IQCK: variants seen among roughly 807,000 people sequenced by gnomAD.
IQCK encodes IQ domain-containing protein K.
Under a neutral mutation model 28.1 loss-of-function variants are expected in IQCK, and 29 were observed. The ratio of observed to expected loss-of-function variants is 1.03; its 90% CI spans 0.77 to 1.41. The LOEUF (loss-of-function observed/expected upper bound fraction) is 1.41. Among genes scored for constraint, IQCK ranks in the 40% most tolerant of loss-of-function variants. The pLI is 0.00. For missense variants in IQCK, 359 were observed against 314.7 expected (o/e 1.14, Z -1.07); for synonymous variants, 113 against 115.1 (o/e 0.98, Z 0.12).
chr16:19,752,542 G>A (rs2055000411), intron 4 of IQCK, among the ~76,000 whole-genome samples: 1 of 152,068 alleles, frequency 6.6e-6, no homozygotes, highest in Non-Finnish European at 1.5e-5. Flanking sequence ...TAAGTAGAAA[G>A]GGATTGTTTT....
chr16:19,724,977 C>G (rs563813225), intron 1 of IQCK, among the ~76,000 whole-genome samples: 1 of 152,280 alleles, frequency 6.6e-6, no homozygotes, highest in South Asian at 2.1e-4. Context: ...ACTTGTGGCA[C>G]AGGGGCTCCA....
intron 4 of IQCK, among the ~76,000 whole-genome samples, chr16:19,749,203 C>T (rs537503740): frequency 1.3e-4 from 20 of 152,316 alleles, no homozygotes; most frequent in Admixed American, 7.2e-4. Context: ...ACAGAGCTTT[C>T]TTAAAATCAG....
rs113002259 is a variant in IQCK at position 19,728,775 on chromosome 16, C to T, written c.182-1655C>T. ...TAATTTGTTACACAATAATAGAAAA[C>T]GAATACAGTTGGTATTGAGAAATAA... On this transcript the variant is annotated intron_variant, in intron 1 of 7. Coordinates refer to ENST00000564186, the Ensembl canonical transcript of IQCK. 4.2e-4 allele frequency among the ~76,000 whole-genome samples: 64 copies of T among 152,220 alleles called. 1 individual carries two copies. The highest frequency in any genetic ancestry group is 7.9e-4 in the Admixed American group (12 of 15,274).
intron 1 of IQCK, among the ~76,000 whole-genome samples, chr16:19,725,296 A>G (rs1397996092): frequency 2.0e-5 from 3 of 152,158 alleles, no homozygotes; most frequent in South Asian, 2.1e-4. Context: ...TCCCAGGCTC[A>G]GGTGATCCTC....
intron 6 of IQCK, among the ~76,000 whole-genome samples, chr16:19,776,974 C>T (rs1240452694): frequency 6.6e-6 from 1 of 152,114 alleles, no homozygotes; most frequent in African/African-American, 2.4e-5. Context: ...AAGAATGGCC[C>T]TGAGAATTGG....
At chr16:19,779,415 G>A (rs1306818091) in intron 6 of IQCK, among the ~76,000 whole-genome samples, 1 of 152,126 alleles carries the variant, frequency 6.6e-6, no homozygotes, top group Non-Finnish European at 1.5e-5. Context: ...TCCCTTTACT[G>A]AAACAGAGTA....
intron 7 of IQCK, among the ~76,000 whole-genome samples, chr16:19,812,501 G>T (rs2055921160): frequency 6.6e-6 from 1 of 152,118 alleles, no homozygotes; most frequent in Non-Finnish European, 1.5e-5. Context: ...GGGTGCTTTT[G>T]TACTATAATG....
chr16:19,856,328 C>T (rs1253717778), intron 9 of IQCK, among the ~76,000 whole-genome samples, 159 bp from the exon 9 acceptor site: 1 of 152,226 alleles, frequency 6.6e-6, no homozygotes, highest in Non-Finnish European at 1.5e-5. Context: ...GGCCTGTGTT[C>T]TTCCCCGTGG....
intron 9 of IQCK, among the ~76,000 whole-genome samples, chr16:19,843,630 T>G (rs575568176): frequency 1.2e-4 from 18 of 152,324 alleles, no homozygotes; most frequent in African/African-American, 4.3e-4. Flanking sequence ...CAACAGACAT[T>G]TCTTCTCTCA....
rs567208425 is a variant in IQCK at position 19,767,811 on chromosome 16, C to G, written c.605+3699C>G. 1.5e-3 allele frequency among the ~76,000 whole-genome samples: 221 copies of G among 152,134 alleles called. 2 individuals are homozygous for G. Among genetic ancestry groups the G allele is most frequent in the African/African-American group, 5.2e-3 (214 of 41,504 alleles). On this transcript the variant is annotated intron_variant, in intron 6 of 7. Coordinates refer to ENST00000564186, the Ensembl canonical transcript of IQCK. ...AGCACTTCCCCTACCCCCTTCTTCC[C>G]TTCCCAGCACTCCTGTATCAGTGGT...
chr16:19,760,680 T>C (rs2055125268), intron 4 of IQCK, among the ~76,000 whole-genome samples: 1 of 152,006 alleles, frequency 6.6e-6, no homozygotes, highest in South Asian at 2.1e-4. Flanking sequence ...ATCTGGAGGG[T>C]ATGTTATGGG....
At chr16:19,827,646 A>T (rs955694739), downstream of IQCK, among the ~76,000 whole-genome samples, 1 of 152,114 alleles carries the variant, frequency 6.6e-6, no homozygotes, top group African/African-American at 2.4e-5. Context: ...GAATTGATTG[A>T]CCAAATAAAG....
intron 7 of IQCK, among the ~76,000 whole-genome samples, chr16:19,806,376 TTA>T (rs754764152): frequency 2.0e-5 from 3 of 150,576 alleles, no homozygotes; most frequent in Admixed American, 6.6e-5. Flanking sequence ...AAAAAATACA[TTA>T]TATATATATT....
intron 7 of IQCK, among the ~76,000 whole-genome samples, chr16:19,826,623 C>T (rs1220156501): frequency 6.6e-6 from 1 of 152,214 alleles, no homozygotes; most frequent in Non-Finnish European, 1.5e-5. Flanking sequence ...GGTGATCTGC[C>T]AGCCTCGGCC....
intron 9 of IQCK, among the ~76,000 whole-genome samples, chr16:19,846,263 A>G (rs1345980616): frequency 6.6e-6 from 1 of 152,192 alleles, no homozygotes; most frequent in Non-Finnish European, 1.5e-5. Context: ...GGTAGGATTC[A>G]AAGCCGGAGC....
chr16:19,745,723 G>A (rs369370370), intron 4 of IQCK, among the ~76,000 whole-genome samples: 10 of 152,264 alleles, frequency 6.6e-5, no homozygotes, highest in East Asian at 5.8e-4. Context: ...ACTCTGGGCC[G>A]ACTGGGCAGT....
chr16:19,853,246 G>C (rs1276706408), intron 9 of IQCK, among the ~76,000 whole-genome samples: 1 of 152,088 alleles, frequency 6.6e-6, no homozygotes, highest in Non-Finnish European at 1.5e-5. Flanking sequence ...GAAATCCCCA[G>C]GTAATTCCAC....
chr16:19,718,445 A>C, exon 1 of IQCK: 1 of 1,606,016 alleles, frequency 6.2e-7, no homozygotes, highest in Non-Finnish European at 8.5e-7. Context: ...GTGGCAGGTC[A>C]CCGAGCCGTC....
At position 19,743,465 on chromosome 16, in the gene IQCK, A is replaced by G. The variant is rs865995919; in HGVS notation, c.474+8015A>G. ...CAATGGAGAGCCAGAGAGTAGAGCA[A>G]GAGGCTAGGATTCAAGAATAGTAGT... On this transcript the variant is annotated intron_variant, in intron 4 of 7. Transcript: ENST00000564186. 5.3e-5 allele frequency among the ~76,000 whole-genome samples: 8 copies of G among 152,354 alleles called. No individual in the cohort carries two copies. In the South Asian group the frequency reaches 1.7e-3, roughly 32 times the overall value.
Sources: allele counts gnomAD v4.1 joint callset (sites outside exome capture counted in the v4.1 genomes callset), GRCh38; gene constraint gnomAD v4.1.1; transcripts MANE v1.5; gene names NCBI Gene and HGNC (gene_info 2026-07-23, HGNC 2026-07-21).